Variants in ZNF385D observed in about 807,000 individuals in gnomAD.
ZNF385D encodes zinc finger protein 385D.
ZNF385D carries 15 observed loss-of-function variants against 35.8 expected under a neutral mutation model. The ratio of observed to expected loss-of-function variants is 0.42; its 90% CI spans 0.28 to 0.64. The LOEUF (loss-of-function observed/expected upper bound fraction) is 0.64. Ranked by LOEUF, ZNF385D falls within the 30% of genes least tolerant of loss-of-function variation. ZNF385D has a pLI of 0.23. For missense variants in ZNF385D, 474 were observed against 494.6 expected, an observed-to-expected ratio of 0.96 and a Z score of 0.39; for synonymous variants, 212 against 186.8, an observed-to-expected ratio of 1.13 and a Z score of -1.10.
At chr3:22,253,473 A>G (rs1007792879) in intron 2 of ZNF385D, among the ~76,000 whole-genome samples, 1 of 152,002 alleles carries the variant, frequency 6.6e-6, no homozygotes, top group Non-Finnish European at 1.5e-5. Flanking sequence ...AGTTATGAAG[A>G]TTAGAGAGTT....
At chr3:21,738,986 G>C (rs1216715069) in intron 1 of ZNF385D, among the ~76,000 whole-genome samples, 1 of 152,152 alleles carries the variant, frequency 6.6e-6, no homozygotes, top group Admixed American at 6.5e-5. Context: ...CCACTTACCA[G>C]TGATAATAGA....
intron 3 of ZNF385D, among the ~76,000 whole-genome samples, chr3:21,898,241 C>T (rs1559734519): frequency 6.6e-6 from 1 of 152,140 alleles, no homozygotes; most frequent in Non-Finnish European, 1.5e-5. Context: ...ATTTTATTAT[C>T]ACCGAACAAT....
chr3:21,478,068 GTATT>G (rs1704363218), intron 4 of ZNF385D, among the ~76,000 whole-genome samples: 1 of 152,222 alleles, frequency 6.6e-6, no homozygotes, highest in Non-Finnish European at 1.5e-5. Context: ...TCAGGAAGGA[GTATT>G]TATAGCCTCT....
intron 3 of ZNF385D, among the ~76,000 whole-genome samples, chr3:22,058,414 A>G (rs1260559831): frequency 6.6e-6 from 1 of 152,220 alleles, no homozygotes; most frequent in African/African-American, 2.4e-5. Flanking sequence ...GGACTGGAGA[A>G]TATGGGTTTG....
At chr3:22,177,070 G>T (rs1165182791) in intron 2 of ZNF385D, among the ~76,000 whole-genome samples, 1 of 151,974 alleles carries the variant, frequency 6.6e-6, no homozygotes, top group Non-Finnish European at 1.5e-5. Flanking sequence ...ATATCTTCTT[G>T]AATCAGTCAT....
chr3:22,030,481 C>G (rs259444), intron 3 of ZNF385D, among the ~76,000 whole-genome samples: 103,267 of 148,996 alleles, frequency 0.69, 36,269 homozygotes, highest in East Asian at 0.91. Flanking sequence ...GAGAGAGACA[C>G]AGAGAGAGAA....
chr3:21,784,151 T>C (rs1192306921), intron 3 of ZNF385D, among the ~76,000 whole-genome samples: 1 of 152,142 alleles, frequency 6.6e-6, no homozygotes, highest in Non-Finnish European at 1.5e-5. Context: ...GGAAGAGAAG[T>C]CTGCCAAGAA....
chr3:22,155,747 A>G (rs1248264734), intron 3 of ZNF385D, among the ~76,000 whole-genome samples: 1 of 152,034 alleles, frequency 6.6e-6, no homozygotes, highest in East Asian at 1.9e-4. Context: ...ATTATGTATG[A>G]CTCTCCAAAA....
intron 2 of ZNF385D, among the ~76,000 whole-genome samples, chr3:22,347,412 A>G (rs1344116626): frequency 6.6e-6 from 1 of 152,180 alleles, no homozygotes; most frequent in African/African-American, 2.4e-5. Context: ...CTCTCCCAGT[A>G]TCATAATAGT....
intron 3 of ZNF385D, among the ~76,000 whole-genome samples, chr3:21,776,375 T>C (rs2071288582): frequency 1.3e-5 from 2 of 151,950 alleles, no homozygotes; most frequent in African/African-American, 2.4e-5. Flanking sequence ...CAATTTACAA[T>C]CACATCACAT....
intron 2 of ZNF385D, among the ~76,000 whole-genome samples, chr3:22,176,490 G>A (rs1039792295): frequency 6.6e-5 from 10 of 152,136 alleles, no homozygotes; most frequent in African/African-American, 2.2e-4. Context: ...TTAATGGATT[G>A]CATTTCAAGT....
intron 2 of ZNF385D, among the ~76,000 whole-genome samples, chr3:22,337,125 G>T (rs749834832): frequency 1.1e-4 from 17 of 151,666 alleles, no homozygotes; most frequent in Non-Finnish European, 2.2e-4. Context: ...GATGTTTTAT[G>T]AATTACTTCA....
chr3:22,106,745 A>C (rs567030084), intron 3 of ZNF385D, among the ~76,000 whole-genome samples: 3 of 152,282 alleles, frequency 2.0e-5, no homozygotes, highest in African/African-American at 7.2e-5. Context: ...AAATTGCCTC[A>C]TGTGACGCAA....
Position 21,635,650 on chromosome 3 carries a change from A to G in ZNF385D, c.165+29236T>C, listed in dbSNP as rs144976126. Among the ~76,000 whole-genome samples, 269 of 152,090 alleles carry G rather than the reference A, an allele frequency of 1.8e-3. 2 individuals carry two copies. Among genetic ancestry groups the G allele is most frequent in the African/African-American group, 6.3e-3 (262 of 41,514 alleles). On this transcript the variant is annotated intron_variant, in intron 2 of 7. Transcript: ENST00000281523. ...TAGTAGTGATTTGAGATTTTGTTGCATGCATCACCTGAGCAGTATACACTG... is the reference window on the plus strand; with the variant it reads ...TAGTAGTGATTTGAGATTTTGTTGCGTGCATCACCTGAGCAGTATACACTG...
intron 3 of ZNF385D, among the ~76,000 whole-genome samples, chr3:22,118,559 A>T (rs889174312): frequency 3.9e-5 from 6 of 152,236 alleles, no homozygotes; most frequent in African/African-American, 1.2e-4. Context: ...TTACACCATT[A>T]GGTATACTTC....
At chr3:22,104,986 T>C (rs1412210301) in intron 3 of ZNF385D, among the ~76,000 whole-genome samples, 1 of 152,154 alleles carries the variant, frequency 6.6e-6, no homozygotes, top group Non-Finnish European at 1.5e-5. Flanking sequence ...CCAGTATTAT[T>C]AGAGAATGAA....
At chr3:22,293,178 GTTA>G (rs1702391525) in intron 2 of ZNF385D, among the ~76,000 whole-genome samples, 1 of 151,946 alleles carries the variant, frequency 6.6e-6, no homozygotes, top group African/African-American at 2.4e-5. Context: ...CCTAATCCTA[GTTA>G]TTATATTATT....
At chr3:21,961,547 T>G (rs1420495645) in intron 3 of ZNF385D, 2 of 152,162 alleles carry the variant, frequency 1.3e-5, no homozygotes, top group African/African-American at 2.4e-5. Context: ...CAAACTATAG[T>G]GATAAATAAA....
At chr3:22,350,946 G>A (rs1695886803) in intron 2 of ZNF385D, among the ~76,000 whole-genome samples, 1 of 151,982 alleles carries the variant, frequency 6.6e-6, no homozygotes, top group African/African-American at 2.4e-5. Context: ...CTCACTCTCA[G>A]TAAGGCTGCA....
Sources: gnomAD v4.1 joint callset for allele counts (sites outside exome capture counted in the v4.1 genomes callset) on GRCh38, gnomAD v4.1.1 for gene constraint, MANE v1.5 for transcripts, NCBI Gene and HGNC (gene_info 2026-07-23, HGNC 2026-07-21) for gene names.